The following COL4A6 variants were observed in gnomAD, a reference collection of about 807,000 sequenced individuals.
COL4A6 encodes collagen type IV alpha 6 chain.
A neutral mutation model predicts 126.7 loss-of-function variants in COL4A6; 59 were observed. The ratio of observed to expected loss-of-function variants is 0.47; its 90% CI spans 0.38 to 0.58. COL4A6 has a LOEUF of 0.58. Among genes scored for constraint, COL4A6 ranks in the 20% least tolerant of loss-of-function variants. The pLI is 0.00. For missense variants in COL4A6, 1,285 were observed against 1,337.3 expected, an observed-to-expected ratio of 0.96 and a Z score of 0.61; for synonymous variants, 547 against 496.6, an observed-to-expected ratio of 1.10 and a Z score of -1.35.
At chrX:108,405,062 C>T (rs904254900) in intron 2 of COL4A6, among the ~76,000 whole-genome samples, 1 of 111,804 alleles carries the variant, frequency 8.9e-6, no homozygotes, top group African/African-American at 3.2e-5. Context: ...AGAAGTGAAG[C>T]TCTTCTAATT....
chrX:108,365,443 T>G (rs1439888504), intron 2 of COL4A6, among the ~76,000 whole-genome samples: 1 of 111,903 alleles, frequency 8.9e-6, no homozygotes, highest in African/African-American at 3.2e-5. Flanking sequence ...ATCTTACTCA[T>G]TTTTTTGTAC....
At chrX:108,190,368 A>T (rs2034999958) in intron 20 of COL4A6, 24 bp downstream of exon 20, 1 of 1,118,081 alleles carries the variant, frequency 8.9e-7, no homozygotes, top group African/African-American at 1.8e-5. Flanking sequence ...TGGAGGACCA[A>T]GAAACTCAAG....
chrX:108,169,958 G>C lies in COL4A6; in HGVS notation c.3552C>G (p.Thr1184=). 1 of 1,187,672 alleles carries C rather than the reference G, an allele frequency of 8.4e-7. No individual in the cohort carries two copies. The highest frequency in any genetic ancestry group is 1.1e-6 in the Non-Finnish European group (1 of 881,798). The part of the protein sequence containing the change: ...GLNGLPGTKG[T]HGTPGPSITG... ...GGTCTTCCTAACCTGGAGTGCCATG[G>C]GTACCCTTGGTGCCCGGAAGCCCAT... The change falls in exon 36 of 45, where the codon ACC becomes ACG. Residue 1184 remains threonine (T), a synonymous_variant. Coordinates refer to ENST00000334504, the MANE Select transcript of COL4A6 (RefSeq NM_033641.4).
chrX:108,403,759 C>T (rs1222127221), intron 2 of COL4A6, among the ~76,000 whole-genome samples: 2 of 111,365 alleles, frequency 1.8e-5, no homozygotes, highest in Non-Finnish European at 3.8e-5. Context: ...TAAATCTGCT[C>T]ATTATTGTTT....
chrX:108,408,433 A>C (rs764752973), intron 2 of COL4A6, among the ~76,000 whole-genome samples: 1 of 111,913 alleles, frequency 8.9e-6, no homozygotes, highest in Non-Finnish European at 1.9e-5. Flanking sequence ...TTCTGTTACT[A>C]TTCTTTTAAG....
intron 2 of COL4A6, among the ~76,000 whole-genome samples, chrX:108,339,807 C>T (rs1040209859): frequency 1.9e-4 from 21 of 111,314 alleles, no homozygotes; most frequent in Non-Finnish European, 3.6e-4. Context: ...CCTCATAACT[C>T]GTTTTCCCCT....
intron 3 of COL4A6, among the ~76,000 whole-genome samples, chrX:108,225,469 A>G (rs1471806872): frequency 8.9e-6 from 1 of 112,507 alleles, no homozygotes; most frequent in Non-Finnish European, 1.9e-5. Context: ...TCCTGCTTCC[A>G]TCTGCTCAGG....
rs2033746180 is a variant in COL4A6 at position 108,156,635 on chromosome X, A to C, written c.*365T>G. On this transcript the variant is annotated 3_prime_UTR_variant, in exon 45 of 45. Transcript: ENST00000334504. ...TGTGTGCTGACCTCTGTACATGAAG[A>C]AATGACTGATTAGCGATTAGGAAGA... 2.5e-5 allele frequency: 6 copies of C among 239,400 alleles called. No individual in the cohort carries two copies. The South Asian group carries it at 6.0e-4, about 24-fold the overall frequency. 19.7% of individuals were successfully genotyped at this position (239,400 alleles called of 1,213,427 possible). A position where few individuals can be genotyped will look rare whatever the true frequency, so the allele number is the denominator to read the frequency against.
intron 31 of COL4A6, among the ~76,000 whole-genome samples, chrX:108,173,450 C>A (rs1440394886): frequency 2.9e-5 from 3 of 102,540 alleles, no homozygotes; most frequent in African/African-American, 1.0e-4. Context: ...TATTTATTTT[C>A]AATTGCTTCA....
At chrX:108,251,589 A>G (rs1187630670) in intron 3 of COL4A6, among the ~76,000 whole-genome samples, 3 of 112,157 alleles carry the variant, frequency 2.7e-5, no homozygotes, top group African/African-American at 9.7e-5. Flanking sequence ...AATATTTATT[A>G]TACATTTACT....
At position 108,190,173 on chromosome X, in the gene COL4A6, A is replaced by T. The variant is rs145217251; in HGVS notation, c.1426+219T>A. 0.034 allele frequency among the ~76,000 whole-genome samples: 3,838 copies of T among 112,233 alleles called. 167 individuals are homozygous for T. Among genetic ancestry groups the T allele is most frequent in the African/African-American group, 0.12 (3,628 of 30,801 alleles). ...CTGGGCTGCAGGTGGAGGAGAAAGA[A>T]AAAGAAGCCTGTGAGCAACTTGGTC... is the stretch of plus-strand genomic sequence containing the variant. On this transcript the variant is annotated intron_variant, in intron 20 of 44. Transcript: ENST00000334504.
intron 2 of COL4A6, among the ~76,000 whole-genome samples, chrX:108,335,639 A>G (rs962423691): frequency 3.6e-5 from 4 of 111,518 alleles, no homozygotes; most frequent in Non-Finnish European, 5.7e-5. Flanking sequence ...ATATACACAT[A>G]CATACATGCA....
At chrX:108,414,789 C>CT (rs2041403626) in intron 2 of COL4A6, among the ~76,000 whole-genome samples, 1 of 110,662 alleles carries the variant, frequency 9.0e-6, no homozygotes, top group African/African-American at 3.3e-5. Flanking sequence ...GAGATCCTGT[C>CT]TCAAAAACAA....
At chrX:108,337,041 A>G (rs2039448006) in intron 2 of COL4A6, among the ~76,000 whole-genome samples, 1 of 111,291 alleles carries the variant, frequency 9.0e-6, no homozygotes, top group Non-Finnish European at 1.9e-5. Flanking sequence ...TAGTCAAGAA[A>G]CCCAGAATGA....
intron 20 of COL4A6, among the ~76,000 whole-genome samples, chrX:108,188,942 C>G (rs1336951997): frequency 8.9e-6 from 1 of 111,971 alleles, no homozygotes; most frequent in African/African-American, 3.2e-5. Context: ...TACTAACCAG[C>G]TGAGAGTCTG....
At chrX:108,389,259 C>T (rs2040775698) in intron 2 of COL4A6, among the ~76,000 whole-genome samples, 1 of 111,319 alleles carries the variant, frequency 9.0e-6, no homozygotes, top group African/African-American at 3.3e-5. Context: ...GAGTTCAAGT[C>T]CTGGATATCC....
intron 2 of COL4A6, among the ~76,000 whole-genome samples, chrX:108,363,384 G>T (rs748519909): frequency 3.8e-4 from 42 of 111,753 alleles, no homozygotes; most frequent in Non-Finnish European, 6.4e-4. Context: ...AATCTAGTGG[G>T]CATTTAGTAA....
intron 13 of COL4A6, among the ~76,000 whole-genome samples, chrX:108,200,405 G>A (rs1406717832): frequency 8.9e-6 from 1 of 112,342 alleles, no homozygotes; most frequent in Non-Finnish European, 1.9e-5. Context: ...CAAGGGCTCA[G>A]TAGCCACACA....
chrX:108,238,522 G>A (rs1311077486), intron 3 of COL4A6, among the ~76,000 whole-genome samples: 2 of 109,102 alleles, frequency 1.8e-5, no homozygotes, highest in Admixed American at 1.0e-4. Flanking sequence ...CAACTACTTT[G>A]TTGCTTCTAA....
Sources: gnomAD v4.1 joint callset for allele counts (sites outside exome capture counted in the v4.1 genomes callset) on GRCh38, gnomAD v4.1.1 for gene constraint, MANE v1.5 for transcripts, NCBI Gene and HGNC (gene_info 2026-07-23, HGNC 2026-07-21) for gene names.